BCL7B: variants seen among roughly 807,000 people sequenced by gnomAD.
BCL7B encodes the protein B-cell CLL/lymphoma 7 protein family member B.
In BCL7B, 11 loss-of-function variants were observed where a neutral mutation model predicts 26.5. The observed-to-expected ratio is 0.42, with a 90% CI of 0.26 to 0.69. The LOEUF is 0.69. Ranked by LOEUF, BCL7B falls within the 30% of genes least tolerant of loss-of-function variation. The pLI, the probability that BCL7B is intolerant of heterozygous loss-of-function variation, is 0.28. For missense variants in BCL7B, 215 were observed against 264.4 expected (o/e 0.81, Z 1.30); for synonymous variants, 111 against 107.9 (o/e 1.03, Z -0.18).
At chr7:73,552,141 A>G (rs781853784) in intron 2 of BCL7B, 26 bp downstream of exon 2, 24 of 1,552,172 alleles carry the variant, frequency 1.5e-5, no homozygotes, top group Non-Finnish European at 1.3e-5. Context: ...AGAAAATGGT[A>G]TCTTTTGATT....
chr7:73,536,989 T>C lies in BCL7B; in HGVS notation c.*309A>G, dbSNP rs782237582. The stretch of plus-strand genomic sequence containing the variant: ...CTCGCAGAAGCTGCCAGCAGCTCCG[T>C]CCAGAGATTCTGGAGCAGAGACTGC... On this transcript the variant is annotated 3_prime_UTR_variant, in exon 6 of 6. Transcript: ENST00000223368. The C allele has an allele frequency of 3.8e-5, 11 of 291,132 alleles. No individual in the cohort carries two copies. Among genetic ancestry groups the C allele is most frequent in the Non-Finnish European group, 7.2e-5 (11 of 152,116 alleles). The allele number at this position is 291,132 out of a possible 1,614,324, so 18.0% of individuals were successfully genotyped here.
rs549445077 is a variant in BCL7B at position 73,557,472 on chromosome 7, G to A, written c.92+15C>T. ...TCCGCGACCCCCGCCAGCCCCCTAA[G>A]CTCCGGCCCCTCACCATTTCCGCAC... On this transcript the variant is annotated intron_variant, in intron 1 of 5. Coordinates refer to ENST00000223368, the MANE Select transcript of BCL7B (RefSeq NM_001707.4). The A allele has an allele frequency of 2.9e-6, 4 of 1,384,912 alleles. No individual in the cohort carries two copies. Among genetic ancestry groups the A allele is most frequent in the Admixed American group, 2.6e-5 (1 of 38,696 alleles). 85.8% of individuals were successfully genotyped at this position (1,384,912 alleles called of 1,614,324 possible).
At chr7:73,554,420 A>C (rs1410002821) in intron 1 of BCL7B, among the ~76,000 whole-genome samples, 1 of 152,132 alleles carries the variant, frequency 6.6e-6, no homozygotes, top group East Asian at 1.9e-4. Context: ...CCAACTTCTC[A>C]AAGAGTCAAG....
intron 4 of BCL7B, 184 bp from the exon 5 acceptor site, chr7:73,538,197 C>T (rs1435951339): frequency 1.9e-5 from 8 of 412,720 alleles, no homozygotes; most frequent in Admixed American, 1.3e-4. Context: ...GGGCAAAATA[C>T]GGCTAGACTG....
At chr7:73,546,164 G>C (rs1001782631) in intron 2 of BCL7B, among the ~76,000 whole-genome samples, 13 of 150,800 alleles carry the variant, frequency 8.6e-5, no homozygotes, top group Non-Finnish European at 1.6e-4. Flanking sequence ...GAAAAACTAC[G>C]GATCAGGCTT....
At chr7:73,539,582 A>AT (rs1254634563) in intron 4 of BCL7B, 2 of 324,340 alleles carry the variant, frequency 6.2e-6, no homozygotes, top group East Asian at 1.1e-4. Context: ...TTGAATGTCC[A>AT]TTTTCCTCAT....
chr7:73,555,915 G>A (rs1052696904), intron 1 of BCL7B, among the ~76,000 whole-genome samples: 1 of 152,144 alleles, frequency 6.6e-6, no homozygotes, highest in Admixed American at 6.6e-5. Flanking sequence ...CTACTCGGAA[G>A]AGAGAAAAAT....
At chr7:73,556,320 T>C (rs1554584718) in intron 1 of BCL7B, among the ~76,000 whole-genome samples, 1 of 152,100 alleles carries the variant, frequency 6.6e-6, no homozygotes. Flanking sequence ...GAAAGCTTCC[T>C]GGCGGGAGGT....
At chr7:73,543,814 A>ACTT in intron 2 of BCL7B, 170 bp from the exon 3 acceptor site, 1 of 561,986 alleles carries the variant, frequency 1.8e-6, no homozygotes, top group South Asian at 2.0e-5. Flanking sequence ...TGGACAAGCA[A>ACTT]CTTCTCCTCA....
intron 4 of BCL7B, among the ~76,000 whole-genome samples, chr7:73,538,665 A>C (rs1171482188): frequency 4.6e-5 from 7 of 151,832 alleles, no homozygotes. Flanking sequence ...AAATTAAAAG[A>C]AAGCCAGGCA....
intron 3 of BCL7B, chr7:73,542,830 C>T (rs1791818206): frequency 4.5e-6 from 2 of 443,362 alleles, no homozygotes; most frequent in South Asian, 3.2e-5. Context: ...ATGCTTGTAC[C>T]TTGGGAGGTC....
intron 2 of BCL7B, 77 bp downstream of exon 2, chr7:73,552,090 C>G (rs62466286): frequency 1.6e-5 from 19 of 1,211,146 alleles, no homozygotes; most frequent in Non-Finnish European, 2.1e-5. Flanking sequence ...GAGACTCCGT[C>G]CCAAAAAAAA....
At chr7:73,541,942 G>A (rs1203962911) in intron 3 of BCL7B, among the ~76,000 whole-genome samples, 1 of 152,116 alleles carries the variant, frequency 6.6e-6, no homozygotes, top group African/African-American at 2.4e-5. Context: ...GCTGTTCCTT[G>A]GCTAGGCTGC....
In BCL7B at chr7:73,548,525, G is replaced by A. The variant is rs1164779930; in HGVS notation, c.168+3642C>T. On this transcript the variant is annotated intron_variant, in intron 2 of 5. Coordinates refer to ENST00000223368, the MANE Select transcript of BCL7B (RefSeq NM_001707.4). Reference sequence around the variant, plus strand: ...CCAGCTACTCAGGAGGCTGAGGTGGGAGGATCACTGGAGCCCAGGAGACAA... The same window carrying A: ...CCAGCTACTCAGGAGGCTGAGGTGGAAGGATCACTGGAGCCCAGGAGACAA... 2.0e-5 allele frequency among the ~76,000 whole-genome samples: 3 copies of A among 152,144 alleles called. No individual in the cohort carries two copies. In the East Asian group the frequency reaches 5.8e-4, roughly 29 times the overall value.
At chr7:73,554,813 A>C (rs1345178425) in intron 1 of BCL7B, among the ~76,000 whole-genome samples, 3 of 151,982 alleles carry the variant, frequency 2.0e-5, no homozygotes, top group Non-Finnish European at 4.4e-5. Context: ...AAAAAAAAAA[A>C]ACAGATGACA....
chr7:73,555,587 A>C (rs1282106430), intron 1 of BCL7B, among the ~76,000 whole-genome samples: 1 of 152,130 alleles, frequency 6.6e-6, no homozygotes, highest in Non-Finnish European at 1.5e-5. Flanking sequence ...GAAGAATGCC[A>C]GGCGGCAGGA....
chr7:73,548,789 A>G (rs1327899296), intron 2 of BCL7B, among the ~76,000 whole-genome samples: 1 of 151,434 alleles, frequency 6.6e-6, no homozygotes, highest in Non-Finnish European at 1.5e-5. Flanking sequence ...AATTAGCCAG[A>G]TGTGGTGGCG....
intron 1 of BCL7B, 39 bp from the exon 2 acceptor site, chr7:73,552,281 C>T (rs782659482): frequency 2.0e-6 from 3 of 1,505,870 alleles, no homozygotes; most frequent in South Asian, 1.2e-5. Flanking sequence ...TAAAACAATG[C>T]AATGTGTTTT....
rs189371130 is a variant in BCL7B, at chr7:73,537,865, T to C, written c.516+69A>G. 11 of 1,185,818 alleles carry C rather than the reference T, an allele frequency of 9.3e-6. No homozygotes were observed. In the Admixed American group the frequency reaches 1.1e-4, roughly 12 times the overall value. The allele number at this position is 1,185,818 out of a possible 1,614,324, so 73.5% of individuals were successfully genotyped here. A position where few individuals can be genotyped will look rare whatever the true frequency, so the allele number is the denominator to read the frequency against. On this transcript the variant is annotated intron_variant, in intron 5 of 5. Transcript: ENST00000223368. ...AGGATCGCACCACTGCACTCTAGTC[T>C]GGGCAACAGCGAGACCCTGCCTTAA...
Sources: gnomAD v4.1 joint callset for allele counts (sites outside exome capture counted in the v4.1 genomes callset) on GRCh38, gnomAD v4.1.1 for gene constraint, MANE v1.5 for transcripts, NCBI Gene and HGNC (gene_info 2026-07-23, HGNC 2026-07-21) for gene names.